The following KDM6A variants were observed in gnomAD, a reference collection of about 807,000 sequenced individuals.
The protein encoded by KDM6A is lysine demethylase 6A.
KDM6A carries 11 observed loss-of-function variants against 117.6 expected under a neutral mutation model. The observed-to-expected ratio is 0.09, with a 90% CI of 0.06 to 0.15. The LOEUF is 0.15. KDM6A is among the 10% of genes least tolerant of loss of function. The pLI, the probability that KDM6A is intolerant of heterozygous loss-of-function variation, is 1.00. For missense variants in KDM6A, 799 were observed against 1,077.3 expected, an observed-to-expected ratio of 0.74 and a Z score of 3.62; for synonymous variants, 384 against 396.1, an observed-to-expected ratio of 0.97 and a Z score of 0.36.
chrX:44,920,587 C>T (rs750430195), intron 2 of KDM6A, among the ~76,000 whole-genome samples: 92 of 109,509 alleles, frequency 8.4e-4, no homozygotes, highest in African/African-American at 2.5e-3. Context: ...TACAGGCGCC[C>T]GTCACCACGC....
chrX:44,942,685 T>C (rs1421586681), intron 2 of KDM6A, among the ~76,000 whole-genome samples: 1 of 109,398 alleles, frequency 9.1e-6, no homozygotes, highest in East Asian at 2.9e-4. Flanking sequence ...TATATATAAA[T>C]AAAAATTAGG....
chrX:44,955,510 T>C (rs1454888550), intron 2 of KDM6A, among the ~76,000 whole-genome samples: 3 of 111,174 alleles, frequency 2.7e-5, no homozygotes, highest in Admixed American at 1.9e-4. Flanking sequence ...AAAAAACTAG[T>C]GCAAAATATA....
chrX:45,068,630 A>G (rs1302567099), intron 17 of KDM6A, among the ~76,000 whole-genome samples: 1 of 105,597 alleles, frequency 9.5e-6, no homozygotes, highest in Non-Finnish European at 1.9e-5. Context: ...CAGTGGCACC[A>G]TCTTAGCTCA....
intron 2 of KDM6A, among the ~76,000 whole-genome samples, chrX:44,937,904 G>T (rs1413476075): frequency 9.0e-6 from 1 of 111,342 alleles, no homozygotes; most frequent in Non-Finnish European, 1.9e-5. Flanking sequence ...TTGTTGCCCA[G>T]GCTGGAGTGC....
At chrX:44,972,971 A>C (rs1019128801) in intron 3 of KDM6A, among the ~76,000 whole-genome samples, 1 of 109,676 alleles carries the variant, frequency 9.1e-6, no homozygotes, top group Admixed American at 9.7e-5. Context: ...GGAGGCGGAG[A>C]TTGCAGTGAG....
chrX:45,003,416 T>TA (rs1556070829), intron 4 of KDM6A, among the ~76,000 whole-genome samples: 2 of 96,921 alleles, frequency 2.1e-5, no homozygotes, highest in Non-Finnish European at 4.0e-5. Flanking sequence ...TTTTTTTTTT[T>TA]AACAGAATAG....
intron 25 of KDM6A, among the ~76,000 whole-genome samples, chrX:45,087,480 C>T (rs918115901): frequency 8.9e-6 from 1 of 112,534 alleles, no homozygotes; most frequent in African/African-American, 3.2e-5. Context: ...TGTAAGAAAG[C>T]CAAAGATACA....
intron 6 of KDM6A, among the ~76,000 whole-genome samples, chrX:45,025,030 C>G (rs192055369): frequency 4.5e-5 from 5 of 112,296 alleles, no homozygotes. Context: ...ATTCTTAATT[C>G]GTGAACTAGT....
intron 4 of KDM6A, among the ~76,000 whole-genome samples, chrX:44,981,850 G>A (rs773036932): frequency 3.6e-5 from 4 of 111,830 alleles, no homozygotes; most frequent in Non-Finnish European, 5.6e-5. Flanking sequence ...TTGGGAGGCC[G>A]AGGTGGGCAC....
intron 27 of KDM6A, among the ~76,000 whole-genome samples, chrX:45,103,129 T>C (rs2046392678): frequency 1.8e-5 from 2 of 111,486 alleles, no homozygotes; most frequent in Admixed American, 9.6e-5. Context: ...GTAACTTACT[T>C]TGGAAACTGA....
At chrX:45,093,926 T>TC (rs2045998243) in intron 27 of KDM6A, among the ~76,000 whole-genome samples, 2 of 111,220 alleles carry the variant, frequency 1.8e-5, no homozygotes, top group African/African-American at 6.6e-5. Context: ...TTATCTATAC[T>TC]CCATTTTGCC....
chrX:44,965,609 C>A (rs1410822025), intron 3 of KDM6A, among the ~76,000 whole-genome samples: 1 of 111,860 alleles, frequency 8.9e-6, no homozygotes, highest in Non-Finnish European at 1.9e-5. Flanking sequence ...AGAACACATG[C>A]AACAGTTATC....
intron 2 of KDM6A, among the ~76,000 whole-genome samples, chrX:44,899,580 C>T (rs1312066137): frequency 1.8e-5 from 2 of 109,474 alleles, no homozygotes; most frequent in African/African-American, 3.3e-5. Flanking sequence ...GTATTGGGGT[C>T]TTCTGAAGCA....
intron 2 of KDM6A, among the ~76,000 whole-genome samples, chrX:44,933,959 T>C (rs1026550655): frequency 8.9e-6 from 1 of 112,796 alleles, no homozygotes; most frequent in African/African-American, 3.2e-5. Context: ...ATAACAGCTT[T>C]AGTTAAATAA....
chrX:44,924,646 TGG>T (rs757243691), intron 2 of KDM6A, among the ~76,000 whole-genome samples: 1 of 70,629 alleles, frequency 1.4e-5, no homozygotes, highest in Non-Finnish European at 2.7e-5. Context: ...TAGGTGGTCC[TGG>T]GTGTGTGTGT....
At chrX:45,107,687 A>G in intron 28 of KDM6A, 151 bp downstream of exon 28, 1 of 539,348 alleles carries the variant, frequency 1.9e-6, no homozygotes, top group South Asian at 3.3e-5. Flanking sequence ...CTTAGCCATT[A>G]TATTAAAATT....
chrX:45,012,579 T>C (rs1271983632), intron 5 of KDM6A, among the ~76,000 whole-genome samples: 1 of 111,183 alleles, frequency 9.0e-6, no homozygotes, highest in African/African-American at 3.3e-5. Flanking sequence ...ACGGGTGAGT[T>C]CTGTGGGAGT....
intron 3 of KDM6A, among the ~76,000 whole-genome samples, chrX:44,970,893 A>G (rs1239112486): frequency 9.0e-6 from 1 of 111,381 alleles, no homozygotes; most frequent in Non-Finnish European, 1.9e-5. Flanking sequence ...GGCAGTTGGT[A>G]ATATATGCTT....
At chrX:45,084,334 T>C (rs761985700) in intron 24 of KDM6A, among the ~76,000 whole-genome samples, 1 of 112,137 alleles carries the variant, frequency 8.9e-6, no homozygotes, top group African/African-American at 3.2e-5. Context: ...CAGGGTGATA[T>C]TCAAAATATT....
Sources: gnomAD v4.1 joint callset for allele counts (sites outside exome capture counted in the v4.1 genomes callset) on GRCh38, gnomAD v4.1.1 for gene constraint, MANE v1.5 for transcripts, NCBI Gene and HGNC (gene_info 2026-07-23, HGNC 2026-07-21) for gene names.